Variants in SOX13 observed in about 807,000 individuals in gnomAD.
SOX13 encodes the protein transcription factor SOX-13.
In SOX13, 28 loss-of-function variants were observed where a neutral mutation model predicts 71.8. The observed-to-expected ratio is 0.39, with a 90% CI of 0.29 to 0.53. The LOEUF (loss-of-function observed/expected upper bound fraction) is 0.53, where lower values mean the gene tolerates loss of function less well. Ranked by LOEUF, SOX13 falls within the 20% of genes least tolerant of loss-of-function variation. SOX13 has a pLI of 0.70. For missense variants in SOX13, 627 were observed against 810.3 expected (o/e 0.77, Z 2.75); for synonymous variants, 309 against 317.8 (o/e 0.97, Z 0.29).
chr1:204,105,942 A>G lies in SOX13; in HGVS notation c.-1-6973A>G, dbSNP rs542656895. On this transcript the variant is annotated intron_variant, in intron 1 of 13. Coordinates refer to ENST00000367204, the MANE Select transcript of SOX13 (RefSeq NM_005686.3). ...GCCCAGTAACTCCTGTATCCTGTGG[A>G]CCCAGCGTTCTTTGGCTTCTGGGCA... Among the ~76,000 whole-genome samples, 10 of 152,184 alleles carry G rather than the reference A, an allele frequency of 6.6e-5. No homozygotes were observed. In the East Asian group the frequency reaches 1.9e-3, roughly 29 times the overall value.
rs770949215 is a variant in SOX13, at chr1:204,117,209, C to T, written c.660+19C>T. 3.1e-6 allele frequency: 5 copies of T among 1,610,998 alleles called. No individual in the cohort carries two copies. Among genetic ancestry groups the T allele is most frequent in the Middle Eastern group, 1.6e-4 (1 of 6,062 alleles). ...GATCCAGGTAACCGGAGGGGAGACC[C>T]GGAGAGGCACAGGAGGCAGTTGAGG... On this transcript the variant is annotated intron_variant, in intron 6 of 13. Transcript: ENST00000367204.
chr1:204,111,921 A>G (rs539067426), intron 1 of SOX13, among the ~76,000 whole-genome samples: 2 of 152,306 alleles, frequency 1.3e-5, no homozygotes, highest in Admixed American at 6.5e-5. Context: ...GAAGAAGACT[A>G]TATGTCTTAT....
At chr1:204,079,965 G>A (rs885330) in intron 1 of SOX13, among the ~76,000 whole-genome samples, 58,971 of 152,022 alleles carry the variant, frequency 0.39, 12,283 homozygotes, top group African/African-American at 0.53. Context: ...CAGAGTCCTG[G>A]GTGTGCACAG....
In SOX13 at chr1:204,126,180, G is replaced by A. The variant is rs143210320; in HGVS notation, c.*46G>A. 831 of 1,586,662 alleles carry A rather than the reference G, an allele frequency of 5.2e-4. 6 individuals are homozygous for A. The African/African-American group carries it at 0.01, about 20-fold the overall frequency. ...CCCCTTCTCCTCTGGGGAAGACCTT[G>A]TCCCAACTCGATGGGCACAGCCAGC... On this transcript the variant is annotated 3_prime_UTR_variant, in exon 14 of 14. Transcript: ENST00000367204.
chr1:204,099,131 A>C (rs1656310509), intron 1 of SOX13, among the ~76,000 whole-genome samples: 1 of 152,198 alleles, frequency 6.6e-6, no homozygotes, highest in South Asian at 2.1e-4. Flanking sequence ...CTAGTAGAAG[A>C]GAAGCCAGTA....
At position 204,086,974 on chromosome 1, in the gene SOX13, G is replaced by A. The variant is rs1484679963; in HGVS notation, c.-2+13263G>A. Among the ~76,000 whole-genome samples the A allele has an allele frequency of 2.6e-5, 4 of 151,188 alleles. No homozygotes were observed. The South Asian group carries it at 8.4e-4, about 32-fold the overall frequency. On this transcript the variant is annotated intron_variant, in intron 1 of 13. Transcript: ENST00000367204. ...GTCTCACTCTGTCACCCAGGCTGGA[G>A]TGCAGTGGCGCGATCTTGGCGCACT...
intron 1 of SOX13, 43 bp from the exon 2 acceptor site, chr1:204,112,872 T>G: frequency 2.6e-6 from 4 of 1,551,872 alleles, no homozygotes; most frequent in Non-Finnish European, 3.5e-6. Flanking sequence ...GGCAGAAGTT[T>G]ACGACTGGGG....
chr1:204,126,532 A>C lies in SOX13; in HGVS notation c.*398A>C. On this transcript the variant is annotated 3_prime_UTR_variant, in exon 14 of 14. Transcript: ENST00000367204. ...CTGGACCAGCCACTGTGGGACCAACACCCCTCCCACACTCCCCCAGACTGC... is the reference window on the plus strand; with the variant it reads ...CTGGACCAGCCACTGTGGGACCAACCCCCCTCCCACACTCCCCCAGACTGC... 1 of 240,694 alleles carries C rather than the reference A, an allele frequency of 4.2e-6. No homozygotes were observed. The highest frequency in any genetic ancestry group is 8.2e-6 in the Non-Finnish European group (1 of 122,184). 14.9% of individuals were successfully genotyped at this position (240,694 alleles called of 1,614,324 possible). A position where few individuals can be genotyped will look rare whatever the true frequency, so the allele number is the denominator to read the frequency against.
chr1:204,115,294 C>T (rs957799333), intron 4 of SOX13, among the ~76,000 whole-genome samples: 3 of 151,826 alleles, frequency 2.0e-5, no homozygotes, highest in African/African-American at 7.3e-5. Context: ...AGGCATGAGC[C>T]ACCCACTGCA....
intron 1 of SOX13, among the ~76,000 whole-genome samples, chr1:204,094,340 C>A (rs572520553): frequency 1.9e-4 from 29 of 152,280 alleles, no homozygotes; most frequent in Non-Finnish European, 3.8e-4. Context: ...CCTTCTAGAC[C>A]CTCTCTGCAA....
intron 1 of SOX13, among the ~76,000 whole-genome samples, chr1:204,080,059 T>TG (rs1655871188): frequency 6.6e-6 from 1 of 151,866 alleles, no homozygotes. Flanking sequence ...GGGAGCGGAA[T>TG]TTGTGTGGCA....
chr1:204,116,585 T>C lies in SOX13; in HGVS notation c.497T>C (p.Leu166Pro), dbSNP rs1296260505. The change falls in exon 5 of 14, where the codon CTC becomes CCC. Residue 166 changes from leucine to proline, a missense_variant. Around this residue, in one of 3 missense-constraint regions of SOX13, gnomAD observed 447 missense variants for 532.2 expected, o/e 0.84. Coordinates refer to ENST00000367204, the MANE Select transcript of SOX13 (RefSeq NM_005686.3). Reference protein sequence around the residue: ...IHQLSTLRDQLLTAHSEQKNM... With the variant: ...IHQLSTLRDQPLTAHSEQKNM... ...CAGCTGTCCACCCTGCGGGACCAGC[T>C]CCTGACAGCCCACTCGGAGCAGAAG... 1 of 1,614,032 alleles carries C rather than the reference T, an allele frequency of 6.2e-7. No individual in the cohort carries two copies. The highest frequency in any genetic ancestry group is 8.5e-7 in the Non-Finnish European group (1 of 1,179,896).
chr1:204,085,924 G>A (rs1349790689), intron 1 of SOX13, among the ~76,000 whole-genome samples: 3 of 151,160 alleles, frequency 2.0e-5, no homozygotes, highest in African/African-American at 2.4e-5. Context: ...AGCAGTGATC[G>A]TGCCACTGCA....
intron 1 of SOX13, among the ~76,000 whole-genome samples, chr1:204,085,178 A>G (rs2102225672): frequency 6.6e-6 from 1 of 152,254 alleles, no homozygotes; most frequent in Non-Finnish European, 1.5e-5. Flanking sequence ...TGCACTAGGG[A>G]CTGGGGAGGA....
At chr1:204,095,768 C>A (rs1656239443) in intron 1 of SOX13, among the ~76,000 whole-genome samples, 1 of 152,164 alleles carries the variant, frequency 6.6e-6, no homozygotes, top group Non-Finnish European at 1.5e-5. Flanking sequence ...ACCATCTGTC[C>A]ATGGAACTTT....
intron 1 of SOX13, among the ~76,000 whole-genome samples, chr1:204,100,652 G>T (rs868169222): frequency 6.6e-6 from 1 of 151,980 alleles, no homozygotes; most frequent in East Asian, 1.9e-4. Flanking sequence ...CTTGGCTGAC[G>T]ATAGGGTAGA....
chr1:204,113,517 T>G (rs1471617319), intron 2 of SOX13, among the ~76,000 whole-genome samples: 4 of 152,146 alleles, frequency 2.6e-5, no homozygotes, highest in Non-Finnish European at 5.9e-5. Flanking sequence ...CAAGCAAGAA[T>G]TAGGTCACTG....
intron 1 of SOX13, among the ~76,000 whole-genome samples, chr1:204,084,447 A>G (rs568315235): frequency 6.6e-5 from 10 of 152,160 alleles, no homozygotes; most frequent in Non-Finnish European, 1.5e-4. Flanking sequence ...CTGTGTCAAC[A>G]GCAGGGTGAT....
chr1:204,082,319 A>G (rs1002531307), intron 1 of SOX13, among the ~76,000 whole-genome samples: 1 of 152,008 alleles, frequency 6.6e-6, no homozygotes, highest in Non-Finnish European at 1.5e-5. Context: ...GGCTCCTCCA[A>G]CCCATGGGAA....
Sources: gnomAD v4.1 joint callset for allele counts (sites outside exome capture counted in the v4.1 genomes callset) on GRCh38, gnomAD v4.1.1 for gene constraint, gnomAD v4.1.1 regional missense constraint, MANE v1.5 for transcripts, NCBI Gene and HGNC (gene_info 2026-07-23, HGNC 2026-07-21) for gene names.